The following XRN2 variants were observed in gnomAD, a reference collection of about 807,000 sequenced individuals.
XRN2 encodes DHM1-like protein.
A neutral mutation model predicts 138.5 loss-of-function variants in XRN2; 44 were observed. That is an observed-to-expected ratio of 0.32 (90% CI 0.25 to 0.41). The LOEUF (loss-of-function observed/expected upper bound fraction) is 0.41. XRN2 is among the 10% of genes least tolerant of loss of function. XRN2 has a pLI of 1.00. For synonymous variants in XRN2, 354 were observed against 369.4 expected, an observed-to-expected ratio of 0.96 and a Z score of 0.48; for missense variants, 937 against 1,169.3, an observed-to-expected ratio of 0.80 and a Z score of 2.90.
intron 1 of XRN2, among the ~76,000 whole-genome samples, chr20:21,312,204 C>T (rs1260811069): frequency 6.6e-6 from 1 of 151,846 alleles, no homozygotes; most frequent in Non-Finnish European, 1.5e-5. Context: ...GCTCTGCCTC[C>T]CAGGCTCACG....
chr20:21,387,127 T>G, intron 29 of XRN2, 121 bp downstream of exon 29: 1 of 1,328,272 alleles, frequency 7.5e-7, no homozygotes, highest in East Asian at 2.5e-5. Flanking sequence ...TTAGAGTAGC[T>G]TGGCTGAACT....
intron 1 of XRN2, among the ~76,000 whole-genome samples, chr20:21,308,586 C>T (rs2037835512): frequency 6.6e-6 from 1 of 152,270 alleles, no homozygotes; most frequent in African/African-American, 2.4e-5. Flanking sequence ...TTTTAACTTG[C>T]ATTTCCTTCA....
chr20:21,361,109 A>G (rs2038632251), intron 24 of XRN2, among the ~76,000 whole-genome samples: 1 of 152,254 alleles, frequency 6.6e-6, no homozygotes, highest in Non-Finnish European at 1.5e-5. Flanking sequence ...TAATTCTTAA[A>G]GCGAATCAGA....
chr20:21,310,193 C>T (rs998752521), intron 1 of XRN2, among the ~76,000 whole-genome samples: 2 of 152,088 alleles, frequency 1.3e-5, no homozygotes, highest in Non-Finnish European at 2.9e-5. Context: ...TCCCTTTGGC[C>T]CGCTGGTTAT....
chr20:21,338,183 G>A (rs763022753), intron 13 of XRN2, among the ~76,000 whole-genome samples: 4 of 152,106 alleles, frequency 2.6e-5, no homozygotes, highest in African/African-American at 4.8e-5. Flanking sequence ...ATCAGTATAG[G>A]ATCCACTGGC....
At chr20:21,304,422 A>G (rs1262366676) in intron 1 of XRN2, among the ~76,000 whole-genome samples, 1 of 146,440 alleles carries the variant, frequency 6.8e-6, no homozygotes, top group Non-Finnish European at 1.5e-5. Flanking sequence ...TGACATTCCC[A>G]CTATTTCTTG....
rs544757032 is a variant in XRN2 at position 21,337,397 on chromosome 20, A to G, written c.1234-1647A>G. ...AGAAGGAAAGGTGACACAAGACTGA[A>G]AGATGTTTTGAGCAACCCTCATGGA... On this transcript the variant is annotated intron_variant, in intron 13 of 29. Coordinates refer to ENST00000377191, the MANE Select transcript of XRN2 (RefSeq NM_012255.5). 3.3e-5 allele frequency among the ~76,000 whole-genome samples: 5 copies of G among 152,334 alleles called. No individual in the cohort carries two copies. In the East Asian group the frequency reaches 9.6e-4, roughly 29 times the overall value.
intron 24 of XRN2, among the ~76,000 whole-genome samples, chr20:21,360,162 T>C (rs934529572): frequency 3.3e-5 from 5 of 152,216 alleles, no homozygotes; most frequent in African/African-American, 1.2e-4. Flanking sequence ...CCTCCCAGTC[T>C]GTCATCTGGA....
intron 6 of XRN2, 72 bp downstream of exon 6, chr20:21,330,777 ATTAT>A: frequency 7.2e-7 from 1 of 1,382,830 alleles, no homozygotes; most frequent in Non-Finnish European, 1.0e-6. Context: ...TATGACTGAC[ATTAT>A]TTATCCTTCT....
intron 29 of XRN2, among the ~76,000 whole-genome samples, chr20:21,387,831 T>C (rs1292191047): frequency 1.3e-5 from 2 of 152,238 alleles, no homozygotes; most frequent in African/African-American, 2.4e-5. Context: ...GCTTCACATA[T>C]TAATTAGTAA....
intron 1 of XRN2, among the ~76,000 whole-genome samples, chr20:21,313,941 A>G (rs1362685480): frequency 6.6e-6 from 1 of 152,260 alleles, no homozygotes; most frequent in Non-Finnish European, 1.5e-5. Context: ...TGATTTGCAT[A>G]CAATAAAATT....
At chr20:21,320,391 C>T (rs2122185222) in intron 1 of XRN2, among the ~76,000 whole-genome samples, 1 of 152,098 alleles carries the variant, frequency 6.6e-6, no homozygotes, top group East Asian at 1.9e-4. Context: ...GCTCCACCTC[C>T]CGGGTTCACG....
intron 13 of XRN2, among the ~76,000 whole-genome samples, chr20:21,336,867 G>A (rs1001802531): frequency 6.6e-6 from 1 of 152,224 alleles, no homozygotes; most frequent in Non-Finnish European, 1.5e-5. Context: ...GATTAAAGTT[G>A]TAAAGGATGT....
chr20:21,344,821 A>G (rs1210724342), intron 16 of XRN2, among the ~76,000 whole-genome samples: 2 of 152,236 alleles, frequency 1.3e-5, no homozygotes, highest in Non-Finnish European at 2.9e-5. Context: ...ATTATATAAT[A>G]AGATTAACAA....
At chr20:21,313,085 G>A (rs1165553918) in intron 1 of XRN2, among the ~76,000 whole-genome samples, 1 of 152,216 alleles carries the variant, frequency 6.6e-6, no homozygotes, top group African/African-American at 2.4e-5. Flanking sequence ...ACTGAAGCTC[G>A]ACTGCTGCGA....
intron 27 of XRN2, among the ~76,000 whole-genome samples, chr20:21,378,950 T>G (rs1368788642): frequency 6.6e-6 from 1 of 152,242 alleles, no homozygotes; most frequent in Non-Finnish European, 1.5e-5. Context: ...GTACTCAGTC[T>G]GAATAAAGCA....
intron 1 of XRN2, among the ~76,000 whole-genome samples, chr20:21,318,889 T>G (rs2037998690): frequency 6.6e-6 from 1 of 152,158 alleles, no homozygotes; most frequent in African/African-American, 2.4e-5. Flanking sequence ...TATATTCTGT[T>G]AAGTGTAATG....
chr20:21,328,655 G>A lies in XRN2; in HGVS notation c.412G>A (p.Glu138Lys). Residue 138 changes from glutamate (E) to lysine (K), a missense_variant, in exon 4 of 30, where the codon GAA becomes AAA. Transcript: ENST00000377191. ...AGTCGAGAAGCAGCGAGTCAGGGAA[G>A]AAATATTGGCAAAAGGTAAAGAATA... is the stretch of plus-strand genomic sequence containing the variant. Reference protein sequence around the residue: ...AAVEKQRVREEILAKGGFLPP... With the variant: ...AAVEKQRVREKILAKGGFLPP... 4 of 1,613,770 alleles carry A rather than the reference G, an allele frequency of 2.5e-6. No individual in the cohort carries two copies. The highest frequency in any genetic ancestry group is 3.4e-6 in the Non-Finnish European group (4 of 1,179,896).
chr20:21,308,244 A>C (rs2037830444), intron 1 of XRN2, among the ~76,000 whole-genome samples: 1 of 151,934 alleles, frequency 6.6e-6, no homozygotes. Context: ...TTATTTATTT[A>C]TTCAGATGAT....
Sources: gnomAD v4.1 joint callset for allele counts (sites outside exome capture counted in the v4.1 genomes callset) on GRCh38, gnomAD v4.1.1 for gene constraint, MANE v1.5 for transcripts, NCBI Gene and HGNC (gene_info 2026-07-23, HGNC 2026-07-21) for gene names.